Variants in DPYS observed in about 807,000 individuals in gnomAD.
DPYS encodes dihydropyrimidinase, also known as dihydropyrimidine amidohydrolase.
A neutral mutation model predicts 50.3 loss-of-function variants in DPYS; 39 were observed. The ratio of observed to expected loss-of-function variants is 0.78; its 90% CI spans 0.60 to 1.01. The LOEUF is 1.01. Among genes scored for constraint, DPYS ranks in the 50% least tolerant of loss-of-function variants. The pLI, the probability that DPYS is intolerant of heterozygous loss-of-function variation, is 0.00. For synonymous variants in DPYS, 245 were observed against 250.7 expected, an observed-to-expected ratio of 0.98 and a Z score of 0.22; for missense variants, 659 against 680.9, an observed-to-expected ratio of 0.97 and a Z score of 0.36.
At chr8:104,436,803 TG>T (rs1813166033) in intron 4 of DPYS, among the ~76,000 whole-genome samples, 1 of 152,080 alleles carries the variant, frequency 6.6e-6, no homozygotes, top group Non-Finnish European at 1.5e-5. Context: ...GAGACCAGGC[TG>T]GGCAACATAG....
chr8:104,460,076 T>C (rs1814071553), intron 1 of DPYS, among the ~76,000 whole-genome samples: 1 of 152,222 alleles, frequency 6.6e-6, no homozygotes, highest in Non-Finnish European at 1.5e-5. Context: ...TGTGAATCTC[T>C]CTTTTGTCAG....
At chr8:104,453,907 T>A (rs57893643) in intron 1 of DPYS, among the ~76,000 whole-genome samples, 2 of 152,212 alleles carry the variant, frequency 1.3e-5, no homozygotes, top group Non-Finnish European at 2.9e-5. Context: ...GGGTGAAGTT[T>A]GAAAATATGA....
chr8:104,402,220 A>G (rs1221008015), intron 7 of DPYS, among the ~76,000 whole-genome samples: 1 of 152,230 alleles, frequency 6.6e-6, no homozygotes, highest in Non-Finnish European at 1.5e-5. Context: ...CTGAGCAAAC[A>G]GAGGTATTTT....
chr8:104,380,832 G>T, intron 9 of DPYS: 1 of 221,764 alleles, frequency 4.5e-6, no homozygotes, highest in Non-Finnish European at 9.2e-6. Context: ...TCCAGATAAG[G>T]TCCTAATTCA....
intron 1 of DPYS, among the ~76,000 whole-genome samples, chr8:104,463,780 T>A (rs1305811134): frequency 2.0e-5 from 3 of 152,242 alleles, no homozygotes; most frequent in Non-Finnish European, 4.4e-5. Flanking sequence ...TATCTTTGTC[T>A]CTAGCTCCCC....
rs200151668 is a variant in DPYS at position 104,427,990 on chromosome 8, T to C, written c.1082A>G (p.Glu361Gly). 3 of 1,614,164 alleles carry C rather than the reference T, an allele frequency of 1.9e-6. No homozygotes were observed. The highest frequency in any genetic ancestry group is 1.1e-5 in the South Asian group (1 of 91,082). The stretch of plus-strand genomic sequence containing the variant: ...ACCTGTGAAACCCACCACGCCTTTT[T>C]CCCATATTACGGACATCCGATCTTC... ...GVEDRMSVIW[E>G]KGVHSGKMDE... Residue 361 changes from glutamate (E) to glycine (G), a missense_variant, in exon 6 of 10, where the codon GAA becomes GGA. Coordinates refer to ENST00000351513, the MANE Select transcript of DPYS (RefSeq NM_001385.3).
chr8:104,411,455 A>G (rs543319565), intron 7 of DPYS, among the ~76,000 whole-genome samples: 3 of 152,300 alleles, frequency 2.0e-5, no homozygotes, highest in African/African-American at 7.2e-5. Context: ...AAGTAAGAAC[A>G]TTTCCCTTCT....
intron 1 of DPYS, among the ~76,000 whole-genome samples, 186 bp downstream of exon 1, chr8:104,466,471 A>G (rs2298841): frequency 0.62 from 94,455 of 151,864 alleles, 29,589 homozygotes; most frequent in East Asian, 0.73. Context: ...GGGGCGCCTG[A>G]AAGGGACCCC....
chr8:104,397,940 C>T (rs1039906896), intron 7 of DPYS, among the ~76,000 whole-genome samples: 2 of 152,206 alleles, frequency 1.3e-5, no homozygotes, highest in Admixed American at 6.5e-5. Context: ...AATATCATCA[C>T]GTGATTTATC....
At chr8:104,383,881 C>T (rs764671564) in intron 8 of DPYS, among the ~76,000 whole-genome samples, 9 of 152,084 alleles carry the variant, frequency 5.9e-5, no homozygotes, top group African/African-American at 9.7e-5. Context: ...GGATTACAGG[C>T]GTGAGCCACT....
In DPYS at chr8:104,466,814, C is replaced by A; in HGVS notation, c.107G>T (p.Gly36Val). 6.5e-7 allele frequency: 1 copy of A among 1,533,890 alleles called. No homozygotes were observed. The highest frequency in any genetic ancestry group is 1.4e-5 in the African/African-American group (1 of 72,706). ...GCCCCCGGGAGGCAGCAGGTCGTGCCCGAGTGCCCGCACCACGCCGTCCTC... is the reference window on the plus strand; with the variant it reads ...GCCCCCGGGAGGCAGCAGGTCGTGCACGAGTGCCCGCACCACGCCGTCCTC... ...LVEDGVVRAL[G>V]HDLLPPGGAP... Residue 36 changes from glycine to valine, a missense_variant, in exon 1 of 10, where the codon GGG becomes GTG. Physicochemically the swap from Gly to Val is moderately radical, Grantham distance 109. Coordinates refer to ENST00000351513, the MANE Select transcript of DPYS (RefSeq NM_001385.3).
chr8:104,399,812 T>G (rs1230864418), intron 7 of DPYS, among the ~76,000 whole-genome samples: 1 of 124,562 alleles, frequency 8.0e-6, no homozygotes, highest in Non-Finnish European at 1.6e-5. Context: ...GAGCTTGCAG[T>G]GAGCCGAGAT....
chr8:104,412,609 C>T (rs1426493278), intron 7 of DPYS, among the ~76,000 whole-genome samples: 4 of 152,134 alleles, frequency 2.6e-5, no homozygotes, highest in African/African-American at 9.7e-5. Context: ...ATTCATATTC[C>T]AGCTCCAGGC....
At position 104,389,872 on chromosome 8, in the gene DPYS, A is replaced by C. The variant is rs150118655; in HGVS notation, c.1443+2912T>G. Among the ~76,000 whole-genome samples the C allele has an allele frequency of 2.2e-4, 34 of 152,372 alleles. No homozygotes were observed. In the East Asian group the frequency reaches 5.0e-3, roughly 22 times the overall value. On this transcript the variant is annotated intron_variant, in intron 8 of 9. Coordinates refer to ENST00000351513, the MANE Select transcript of DPYS (RefSeq NM_001385.3). The stretch of plus-strand genomic sequence containing the variant: ...AAATTTGATACCAGAAAAAAATACT[A>C]AGAAACTAAAATAATTCACAGAATT...
chr8:104,447,189 A>T, intron 3 of DPYS, 135 bp downstream of exon 3: 1 of 1,170,314 alleles, frequency 8.5e-7, no homozygotes, highest in Non-Finnish European at 1.2e-6. Context: ...TCCGTTTCCG[A>T]GCCACGGAAA....
chr8:104,400,461 G>A (rs773125361), intron 7 of DPYS, among the ~76,000 whole-genome samples: 17 of 152,194 alleles, frequency 1.1e-4, no homozygotes, highest in African/African-American at 3.4e-4. Flanking sequence ...TTTACCAAAC[G>A]CAAAGCAGCT....
chr8:104,442,563 AG>A (rs1799343232), intron 4 of DPYS, among the ~76,000 whole-genome samples: 1 of 152,204 alleles, frequency 6.6e-6, no homozygotes, highest in African/African-American at 2.4e-5. Context: ...TTCTTTTTTA[AG>A]GGGCGAAATT....
chr8:104,451,270 C>T lies in DPYS; in HGVS notation c.399G>A (p.Val133=), dbSNP rs1335574454. 1 of 1,613,930 alleles carries T rather than the reference C, an allele frequency of 6.2e-7. No homozygotes were observed. Among genetic ancestry groups the T allele is most frequent in the African/African-American group, 1.3e-5 (1 of 74,902 alleles). ...PKVCCDYSLH[V]AVTWWSDQVK... ...CCTGGTCACTCCACCACGTCACTGCCACATGAAGGCTGTAGTCGCAGCAAA... is the reference window on the plus strand; with the variant it reads ...CCTGGTCACTCCACCACGTCACTGCTACATGAAGGCTGTAGTCGCAGCAAA... Residue 133 remains valine, a synonymous_variant, in exon 2 of 10, where the codon GTG becomes GTA. Coordinates refer to ENST00000351513, the MANE Select transcript of DPYS (RefSeq NM_001385.3).
chr8:104,379,443 C>A lies in DPYS; in HGVS notation c.*415G>T, dbSNP rs147327545. On this transcript the variant is annotated 3_prime_UTR_variant, in exon 10 of 10. Coordinates refer to ENST00000351513, the MANE Select transcript of DPYS (RefSeq NM_001385.3). ...AGATAATAAGGTATAAAATGAAGAT[C>A]TCAATGTTTATTAATTACAATAAAA... 2.2e-3 allele frequency: 373 copies of A among 168,438 alleles called. No individual in the cohort carries two copies. The highest frequency in any genetic ancestry group is 8.3e-3 in the African/African-American group (345 of 41,580). 10.4% of individuals were successfully genotyped at this position (168,438 alleles called of 1,614,324 possible).
Sources: gnomAD v4.1 joint callset for allele counts (sites outside exome capture counted in the v4.1 genomes callset) on GRCh38, gnomAD v4.1.1 for gene constraint, MANE v1.5 for transcripts, NCBI Gene and HGNC (gene_info 2026-07-23, HGNC 2026-07-21) for gene names.